Variants in DYNC2H1 observed in about 807,000 individuals in gnomAD.
DYNC2H1 encodes cytoplasmic dynein 2 heavy chain 1.
DYNC2H1 carries 410 observed loss-of-function variants against 570.0 expected under a neutral mutation model. The ratio of observed to expected loss-of-function variants is 0.72; its 90% CI spans 0.66 to 0.78. The LOEUF (loss-of-function observed/expected upper bound fraction) is 0.78. Ranked by LOEUF, DYNC2H1 falls within the 30% of genes least tolerant of loss-of-function variation. DYNC2H1 has a pLI of 0.00. For synonymous variants in DYNC2H1, 1,688 were observed against 1,677.6 expected (o/e 1.01, Z -0.15); for missense variants, 4,865 against 5,046.4 (o/e 0.96, Z 1.09).
chr11:103,179,036 A>G lies in DYNC2H1; in HGVS notation c.6150A>G (p.Ser2050=), dbSNP rs1020326545. ...TTGATTTGAAAATAGATGTCAGCTC[A>G]TGGATAATCTGTGATGGTGATATTG... The part of the protein sequence containing the change: ...QVVREPQDVS[S]WIICDGDIDP... The change falls in exon 39 of 89, where the codon TCA becomes TCG. Residue 2050 remains serine, a synonymous_variant. Transcript: ENST00000375735. 5 of 1,608,398 alleles carry G rather than the reference A, an allele frequency of 3.1e-6. No homozygotes were observed. Among genetic ancestry groups the G allele is most frequent in the Non-Finnish European group, 4.3e-6 (5 of 1,176,188 alleles).
intron 18 of DYNC2H1, among the ~76,000 whole-genome samples, chr11:103,146,030 A>G (rs1464309312): frequency 6.6e-6 from 1 of 152,214 alleles, no homozygotes; most frequent in African/African-American, 2.4e-5. Context: ...ATCATAAATC[A>G]TGAGTCTTTA....
intron 86 of DYNC2H1, among the ~76,000 whole-genome samples, 192 bp from the exon 87 acceptor site, chr11:103,456,083 A>C (rs549590426): frequency 2.0e-4 from 30 of 152,166 alleles, no homozygotes; most frequent in Non-Finnish European, 3.5e-4. Context: ...TTACAGCATC[A>C]AAGAGGAGAC....
At chr11:103,193,584 C>A (rs1370446303) in intron 47 of DYNC2H1, among the ~76,000 whole-genome samples, 1 of 150,608 alleles carries the variant, frequency 6.6e-6, no homozygotes, top group Non-Finnish European at 1.5e-5. Context: ...ATTCTTGTTG[C>A]CCAGGCTGGA....
Position 103,277,285 on chromosome 11 carries a change from T to A in DYNC2H1, c.10696-3063T>A, listed in dbSNP as rs191916611. ...GTATGGCTTTTTGTATTCAATTTTT[T>A]AAAAATTTAGCTCCAATTTTATTTT... On this transcript the variant is annotated intron_variant, in intron 70 of 88. Coordinates refer to ENST00000375735, the MANE Select transcript of DYNC2H1 (RefSeq NM_001377.3). This position sits in a 1 kb window ranked among gnomAD's most constrained non-coding sequence, Gnocchi z 4.3. Among the ~76,000 whole-genome samples, 949 of 152,234 alleles carry A rather than the reference T, an allele frequency of 6.2e-3. 4 individuals are homozygous for A. The highest frequency in any genetic ancestry group is 0.01 in the Non-Finnish European group (705 of 67,972).
intron 83 of DYNC2H1, among the ~76,000 whole-genome samples, chr11:103,359,094 CTG>C (rs1274812064): frequency 1.3e-5 from 2 of 152,198 alleles, no homozygotes; most frequent in Non-Finnish European, 2.9e-5. Flanking sequence ...AGAGTCTACT[CTG>C]TAGTTTTGGC....
intron 75 of DYNC2H1, 43 bp downstream of exon 75, chr11:103,287,648 T>G: frequency 6.7e-7 from 1 of 1,492,516 alleles, no homozygotes; most frequent in Non-Finnish European, 9.1e-7. Context: ...TGACCTGAAT[T>G]ATTTGTTTTT....
At chr11:103,141,669 C>A (rs576981169) in intron 17 of DYNC2H1, among the ~76,000 whole-genome samples, 1 of 152,288 alleles carries the variant, frequency 6.6e-6, no homozygotes, top group Non-Finnish European at 1.5e-5. Flanking sequence ...GGGTCAGGGA[C>A]CCACTTGAGG....
intron 75 of DYNC2H1, among the ~76,000 whole-genome samples, chr11:103,291,192 CTT>C (rs937674122): frequency 3.3e-5 from 5 of 152,322 alleles, no homozygotes; most frequent in South Asian, 2.1e-4. Context: ...AATTCCAGCA[CTT>C]TGGGAGGCCA....
At chr11:103,285,424 CTT>C (rs60667279) in intron 73 of DYNC2H1, among the ~76,000 whole-genome samples, 28 of 136,978 alleles carry the variant, frequency 2.0e-4, no homozygotes, top group East Asian at 8.5e-4. Context: ...TTTTTCTTTT[CTT>C]TTTTTTTTTT....
intron 84 of DYNC2H1, among the ~76,000 whole-genome samples, chr11:103,418,034 C>A (rs1384092474): frequency 6.6e-6 from 1 of 150,800 alleles, no homozygotes; most frequent in African/African-American, 2.4e-5. Context: ...AGAAGTGAAC[C>A]TCTACAGCCA....
At chr11:103,392,313 A>G (rs1202899554) in intron 83 of DYNC2H1, among the ~76,000 whole-genome samples, 2 of 152,186 alleles carry the variant, frequency 1.3e-5, no homozygotes, top group South Asian at 2.1e-4. Context: ...GCAGGATACA[A>G]TCTCCTGGTG....
At chr11:103,420,949 T>A (rs1206947890) in intron 84 of DYNC2H1, among the ~76,000 whole-genome samples, 1 of 152,088 alleles carries the variant, frequency 6.6e-6, no homozygotes, top group Non-Finnish European at 1.5e-5. Context: ...TATGAAGAAC[T>A]AAGGCCCATT....
At chr11:103,403,792 G>A (rs753083822) in intron 84 of DYNC2H1, 9 of 152,126 alleles carry the variant, frequency 5.9e-5, no homozygotes, top group African/African-American at 1.7e-4. Context: ...CTGGCTTTAA[G>A]TCTGCTGTTG....
In DYNC2H1 at chr11:103,399,642, ATTATGACATT is replaced by A. The variant is rs1942554748; in HGVS notation, c.12157-18_12157-9del. ...TGATCTGTGTTACTATTCGGTAAATATTATGACATTTTTCTTTTAGAATTCAAACCTAATA... is the reference window on the plus strand; with the variant it reads ...TGATCTGTGTTACTATTCGGTAAATATTTCTTTTAGAATTCAAACCTAATA... On this transcript the variant is annotated splice_polypyrimidine_tract_variant and intron_variant, in intron 83 of 88. Transcript: ENST00000375735. 1 of 1,565,850 alleles carries A rather than the reference ATTATGACATT, an allele frequency of 6.4e-7. No homozygotes were observed. The highest frequency in any genetic ancestry group is 8.8e-7 in the Non-Finnish European group (1 of 1,141,770).
At chr11:103,384,802 T>C (rs916334608) in intron 83 of DYNC2H1, among the ~76,000 whole-genome samples, 6 of 152,154 alleles carry the variant, frequency 3.9e-5, no homozygotes, top group Non-Finnish European at 1.5e-5. Flanking sequence ...TGTTTATCAC[T>C]TGTATTGTTC....
chr11:103,362,327 TTTTTTC>T (rs755364255), intron 83 of DYNC2H1, among the ~76,000 whole-genome samples: 40,573 of 107,084 alleles, frequency 0.38, 7,963 homozygotes, highest in Admixed American at 0.48. Context: ...TTTCTTTTTT[TTTTTTC>T]TTTTTTTTTT....
At position 103,416,280 on chromosome 11, in the gene DYNC2H1, C is replaced by G. The variant is rs558499162; in HGVS notation, c.12366+16408C>G. Among the ~76,000 whole-genome samples, 6 of 152,070 alleles carry G rather than the reference C, an allele frequency of 3.9e-5. No individual in the cohort carries two copies. The South Asian group carries it at 1.2e-3, about 32-fold the overall frequency. On this transcript the variant is annotated intron_variant, in intron 84 of 88. Transcript: ENST00000375735. ...AAACCTGCACTTTGTGCACATGTAC[C>G]CTAGAACTTAAACTATAATAATAAT...
chr11:103,172,436 C>A (rs1161478853), intron 34 of DYNC2H1, among the ~76,000 whole-genome samples: 1 of 152,000 alleles, frequency 6.6e-6, no homozygotes, highest in Non-Finnish European at 1.5e-5. Context: ...CATAAACAAA[C>A]CTTCCCTGAT....
At position 103,264,250 on chromosome 11, in the gene DYNC2H1, A is replaced by G. The variant is rs1299644623; in HGVS notation, c.10695+4273A>G. On this transcript the variant is annotated intron_variant, in intron 70 of 88. Transcript: ENST00000375735. This position sits in a 1 kb window ranked among gnomAD's most constrained non-coding sequence, Gnocchi z 4.8. ...CCAAAAAAAGCCCAGGGTCAGATGG[A>G]TTCACAGCCAAATTCTACCAGAGGT... Among the ~76,000 whole-genome samples, 1 of 152,208 alleles carries G rather than the reference A, an allele frequency of 6.6e-6. No individual in the cohort carries two copies. Among genetic ancestry groups the G allele is most frequent in the Non-Finnish European group, 1.5e-5 (1 of 68,030 alleles).
Sources: allele counts gnomAD v4.1 joint callset (sites outside exome capture counted in the v4.1 genomes callset), GRCh38; gene constraint gnomAD v4.1.1; non-coding constraint Gnocchi (gnomAD v3.1); transcripts MANE v1.5; gene names NCBI Gene and HGNC (gene_info 2026-07-23, HGNC 2026-07-21).